The following PABPC4L variants were observed in gnomAD, a reference collection of about 807,000 sequenced individuals.
PABPC4L encodes polyadenylate-binding protein 4-like.
For synonymous variants in PABPC4L, 169 were observed against 164.1 expected (o/e 1.03, Z -0.23); for missense variants, 452 against 451.4 (o/e 1.00, Z -0.01).
At chr4:134,134,749 A>G in the PABPC4L span, among the ~76,000 whole-genome samples, 1 of 150,468 alleles carries the variant, frequency 6.6e-6, no homozygotes, top group Non-Finnish European at 1.5e-5. Flanking sequence ...AACATATCAA[A>G]TAAAATATAT....
the PABPC4L span, among the ~76,000 whole-genome samples, chr4:134,037,180 A>G: frequency 6.6e-6 from 1 of 152,070 alleles, no homozygotes; most frequent in African/African-American, 2.4e-5. Context: ...TAATTCTGTA[A>G]AAAATATATT....
chr4:134,073,076 G>T, the PABPC4L span, among the ~76,000 whole-genome samples: 2 of 152,008 alleles, frequency 1.3e-5, no homozygotes, highest in African/African-American at 4.8e-5. Context: ...ACACAATCTG[G>T]TACTTCCAAC....
chr4:134,120,403 T>C, the PABPC4L span, among the ~76,000 whole-genome samples: 1 of 149,596 alleles, frequency 6.7e-6, no homozygotes, highest in Admixed American at 6.7e-5. Context: ...CCAAAAATAT[T>C]ATTGCTAATA....
the PABPC4L span, among the ~76,000 whole-genome samples, chr4:134,076,418 C>T: frequency 2.6e-5 from 4 of 151,946 alleles, no homozygotes; most frequent in East Asian, 3.9e-4. Context: ...TAGGTGAAGC[C>T]GAAGTAGGGC....
At chr4:134,066,537 T>C in the PABPC4L span, among the ~76,000 whole-genome samples, 1 of 152,152 alleles carries the variant, frequency 6.6e-6, no homozygotes, top group East Asian at 1.9e-4. Flanking sequence ...TTTATTTCTT[T>C]TTCTTTCCTG....
chr4:134,070,617 AC>A, the PABPC4L span, among the ~76,000 whole-genome samples: 1 of 151,990 alleles, frequency 6.6e-6, no homozygotes, highest in Non-Finnish European at 1.5e-5. Context: ...TGGTCTGCCC[AC>A]CCAGACACTG....
At chr4:134,181,596 C>A in the PABPC4L span, among the ~76,000 whole-genome samples, 5 of 151,778 alleles carry the variant, frequency 3.3e-5, no homozygotes, top group Non-Finnish European at 5.9e-5. Flanking sequence ...GTAATTCATA[C>A]AATATGTTTC....
the PABPC4L span, among the ~76,000 whole-genome samples, chr4:134,053,754 T>C: frequency 0.33 from 50,034 of 151,820 alleles, 9,851 homozygotes; most frequent in East Asian, 0.92. Flanking sequence ...TAGATATTTT[T>C]TAAAATAATA....
At chr4:134,022,235 C>A in the PABPC4L span, among the ~76,000 whole-genome samples, 1 of 152,006 alleles carries the variant, frequency 6.6e-6, no homozygotes, top group Non-Finnish European at 1.5e-5. Flanking sequence ...ACTGTTTGCC[C>A]CAGTATCCAA....
At chr4:134,016,117 C>T in the PABPC4L span, among the ~76,000 whole-genome samples, 1 of 152,090 alleles carries the variant, frequency 6.6e-6, no homozygotes, top group African/African-American at 2.4e-5. Flanking sequence ...GATGGCAGTT[C>T]CACCAGGCCT....
chr4:134,124,295 T>C, the PABPC4L span, among the ~76,000 whole-genome samples: 1 of 152,064 alleles, frequency 6.6e-6, no homozygotes, highest in Non-Finnish European at 1.5e-5. Flanking sequence ...AACTGCCTGC[T>C]ATACTTGGAA....
chr4:134,200,421 T>C lies in PABPC4L; in HGVS notation c.599A>G (p.Asp200Gly), dbSNP rs1393548701. Residue 200 changes from aspartate to glycine, a missense_variant, in exon 2 of 2, where the codon GAC (aspartate) becomes GGC (glycine). Transcript: ENST00000421491. ...TNVYIKNFGG[D>G]MDDERLKDVF... ...GTCCTTCAATCTCTCATCATCCATG[T>C]CACCTCCAAAGTTTTTTATGTAAAC... 1 of 1,554,386 alleles carries C rather than the reference T, an allele frequency of 6.4e-7. No individual in the cohort carries two copies. The highest frequency in any genetic ancestry group is 1.9e-5 in the Admixed American group (1 of 51,358).
chr4:133,993,047 G>A, the PABPC4L span, among the ~76,000 whole-genome samples: 1 of 152,046 alleles, frequency 6.6e-6, no homozygotes, highest in South Asian at 2.1e-4. Flanking sequence ...TCCCATGTTA[G>A]CAAATCATTT....
the PABPC4L span, among the ~76,000 whole-genome samples, chr4:134,068,842 G>C: frequency 1.3e-5 from 2 of 151,860 alleles, 1 homozygote; most frequent in Middle Eastern, 6.3e-3. Flanking sequence ...CCAAGTAGCT[G>C]GGACTACAGG....
chr4:134,145,441 AC>A, the PABPC4L span, among the ~76,000 whole-genome samples: 1 of 151,452 alleles, frequency 6.6e-6, no homozygotes, highest in African/African-American at 2.4e-5. Flanking sequence ...ACGATATTAA[AC>A]CCCCCTTCCC....
At chr4:134,096,144 T>A in the PABPC4L span, among the ~76,000 whole-genome samples, 1 of 152,082 alleles carries the variant, frequency 6.6e-6, no homozygotes, top group Non-Finnish European at 1.5e-5. Flanking sequence ...AATAAATAGG[T>A]GTGGTACTCA....
the PABPC4L span, among the ~76,000 whole-genome samples, chr4:134,079,406 C>T: frequency 1.2e-5 from 1 of 81,796 alleles, no homozygotes; most frequent in African/African-American, 5.6e-5. Context: ...CGGTGAAACC[C>T]CATCTTTACT....
At chr4:134,038,858 C>T in the PABPC4L span, among the ~76,000 whole-genome samples, 1 of 152,056 alleles carries the variant, frequency 6.6e-6, no homozygotes, top group Non-Finnish European at 1.5e-5. Flanking sequence ...TTCTTGTCTT[C>T]TGCTAGCTTT....
At chr4:134,127,540 A>G in the PABPC4L span, among the ~76,000 whole-genome samples, 2 of 152,094 alleles carry the variant, frequency 1.3e-5, no homozygotes, top group African/African-American at 2.4e-5. Context: ...GGCCAGATCC[A>G]GAAGAGAAGT....
Sources: gnomAD v4.1 joint callset for allele counts (sites outside exome capture counted in the v4.1 genomes callset) on GRCh38, gnomAD v4.1.1 for gene constraint, MANE v1.5 for transcripts, NCBI Gene and HGNC (gene_info 2026-07-23, HGNC 2026-07-21) for gene names.